BACH2: variants seen among roughly 807,000 people sequenced by gnomAD.
BACH2 encodes the protein BACH transcriptional regulator 2, also known as transcription regulator protein BACH2.
In BACH2, 5 loss-of-function variants were observed where a neutral mutation model predicts 61.8. The observed-to-expected ratio is 0.08, with a 90% CI of 0.04 to 0.17. The LOEUF (loss-of-function observed/expected upper bound fraction) is 0.17, where lower values mean the gene tolerates loss of function less well. Ranked by LOEUF, BACH2 falls within the 10% of genes least tolerant of loss-of-function variation. The pLI, the probability that BACH2 is intolerant of heterozygous loss-of-function variation, is 1.00. For synonymous variants in BACH2, 446 were observed against 440.1 expected (o/e 1.01, Z -0.17); for missense variants, 824 against 1,091.1 (o/e 0.76, Z 3.45).
At chr6:90,176,766 C>T (rs1321262730) in intron 4 of BACH2, among the ~76,000 whole-genome samples, 2 of 152,120 alleles carry the variant, frequency 1.3e-5, no homozygotes, top group Non-Finnish European at 2.9e-5. Flanking sequence ...TATGTCTTAC[C>T]AGCCCTCCTG....
At chr6:90,247,342 C>T (rs1300815939) in intron 3 of BACH2, among the ~76,000 whole-genome samples, 2 of 150,858 alleles carry the variant, frequency 1.3e-5, no homozygotes, top group African/African-American at 4.9e-5. Flanking sequence ...CTCAAGTGAT[C>T]CTCCTGTTTC....
chr6:89,969,875 T>C (rs923810970), intron 6 of BACH2, among the ~76,000 whole-genome samples: 11 of 152,132 alleles, frequency 7.2e-5, no homozygotes, highest in Admixed American at 2.0e-4. Flanking sequence ...GGCTTGGAAA[T>C]GAAGGCTGGG....
intron 7 of BACH2, among the ~76,000 whole-genome samples, chr6:89,946,653 C>T (rs897003448): frequency 2.0e-5 from 3 of 152,128 alleles, no homozygotes; most frequent in African/African-American, 2.4e-5. Context: ...CCTACAGCCA[C>T]GTGCATGGTA....
At chr6:90,026,870 G>A (rs1325426332) in intron 5 of BACH2, among the ~76,000 whole-genome samples, 1 of 152,188 alleles carries the variant, frequency 6.6e-6, no homozygotes, top group African/African-American at 2.4e-5. Context: ...TCTCTGCAGG[G>A]ATGCAGGCTA....
chr6:90,209,465 A>C (rs1769268427), intron 3 of BACH2, among the ~76,000 whole-genome samples: 1 of 152,216 alleles, frequency 6.6e-6, no homozygotes, highest in African/African-American at 2.4e-5. Context: ...CTTAGTTTTA[A>C]AGTAGAACTT....
intron 5 of BACH2, among the ~76,000 whole-genome samples, chr6:90,012,628 CAAA>C (rs549056946): frequency 3.7e-5 from 4 of 108,598 alleles, no homozygotes; most frequent in Non-Finnish European, 3.9e-5. Context: ...GACTCCACCT[CAAA>C]AAAAAAAAAA....
intron 7 of BACH2, among the ~76,000 whole-genome samples, chr6:89,940,627 C>T (rs1025316628): frequency 6.6e-6 from 1 of 152,206 alleles, no homozygotes; most frequent in Non-Finnish European, 1.5e-5. Flanking sequence ...TCCGGATGAG[C>T]CAGCAGATGG....
At chr6:89,974,637 G>A (rs1478305273) in intron 6 of BACH2, among the ~76,000 whole-genome samples, 3 of 152,146 alleles carry the variant, frequency 2.0e-5, no homozygotes, top group Admixed American at 6.5e-5. Flanking sequence ...AAGTTGATAC[G>A]TAAAAATTAC....
intron 8 of BACH2, 82 bp from the exon 9 acceptor site, chr6:89,932,972 T>C (rs1488266727): frequency 7.1e-7 from 1 of 1,403,064 alleles, no homozygotes; most frequent in African/African-American, 1.4e-5. Context: ...TTTCCAGCCT[T>C]TGTTTTGCAT....
chr6:89,946,602 G>A (rs1773736226), intron 7 of BACH2, among the ~76,000 whole-genome samples: 1 of 152,146 alleles, frequency 6.6e-6, no homozygotes, highest in African/African-American at 2.4e-5. Context: ...TTACGAGAAC[G>A]AGAGATATTG....
intron 1 of BACH2, among the ~76,000 whole-genome samples, chr6:90,284,689 C>T (rs977399188): frequency 6.6e-6 from 1 of 151,712 alleles, no homozygotes; most frequent in African/African-American, 2.4e-5. Flanking sequence ...GGGGGATCAT[C>T]ATTCCTACAA....
At chr6:90,071,607 C>T (rs1217546810) in intron 5 of BACH2, among the ~76,000 whole-genome samples, 1 of 152,228 alleles carries the variant, frequency 6.6e-6, no homozygotes, top group African/African-American at 2.4e-5. Flanking sequence ...CAGCCTTTCT[C>T]TGACTTAGCT....
chr6:89,947,261 T>A (rs1433195778), intron 7 of BACH2, among the ~76,000 whole-genome samples: 1 of 152,158 alleles, frequency 6.6e-6, no homozygotes, highest in Non-Finnish European at 1.5e-5. Context: ...TTTTGACTTG[T>A]GGAGAAGGAT....
intron 3 of BACH2, among the ~76,000 whole-genome samples, chr6:90,225,374 T>C (rs1165749947): frequency 1.3e-5 from 2 of 151,930 alleles, no homozygotes; most frequent in Non-Finnish European, 2.9e-5. Context: ...ATAATTGGAG[T>C]GATACCCTGT....
chr6:90,021,596 A>T (rs1049257312), intron 5 of BACH2, among the ~76,000 whole-genome samples: 15 of 151,768 alleles, frequency 9.9e-5, no homozygotes, highest in East Asian at 9.7e-4. Context: ...ACATGCTTTT[A>T]AAAAAAGTTA....
chr6:90,109,388 A>G (rs1783067253), intron 4 of BACH2, among the ~76,000 whole-genome samples: 1 of 152,028 alleles, frequency 6.6e-6, no homozygotes, highest in Admixed American at 6.6e-5. Flanking sequence ...TCCTCTGCAG[A>G]GTCCTCCTCT....
At chr6:90,293,185 A>T (rs1289876211) in intron 1 of BACH2, among the ~76,000 whole-genome samples, 1 of 152,198 alleles carries the variant, frequency 6.6e-6, no homozygotes, top group African/African-American at 2.4e-5. Flanking sequence ...TGAAGCTAGT[A>T]CTGGCTCTCA....
At chr6:90,291,796 C>A (rs532120972) in intron 1 of BACH2, among the ~76,000 whole-genome samples, 1 of 152,272 alleles carries the variant, frequency 6.6e-6, no homozygotes, top group Non-Finnish European at 1.5e-5. Flanking sequence ...GATTTTCCGT[C>A]ATTCCCAAGG....
chr6:90,078,193 C>T (rs527832070), intron 5 of BACH2, among the ~76,000 whole-genome samples: 1 of 152,242 alleles, frequency 6.6e-6, no homozygotes, highest in East Asian at 1.9e-4. Flanking sequence ...TGAAGTTTTG[C>T]CCATTTCCAC....
Sources: allele counts gnomAD v4.1 joint callset (sites outside exome capture counted in the v4.1 genomes callset), GRCh38; gene constraint gnomAD v4.1.1; transcripts MANE v1.5; gene names NCBI Gene and HGNC (gene_info 2026-07-23, HGNC 2026-07-21).